The following ULK4 variants were observed in gnomAD, a reference collection of about 807,000 sequenced individuals.
The protein encoded by ULK4 is unc-51 like kinase 4.
ULK4 carries 133 observed loss-of-function variants against 160.6 expected under a neutral mutation model. That is an observed-to-expected ratio of 0.83 (90% confidence interval 0.72 to 0.96). The LOEUF is 0.96. Ranked by LOEUF, ULK4 falls within the 40% of genes least tolerant of loss-of-function variation. ULK4 has a pLI of 0.00. For missense variants in ULK4, 1,580 were observed against 1,499.5 expected, an observed-to-expected ratio of 1.05 and a Z score of -0.89; for synonymous variants, 534 against 539.8, an observed-to-expected ratio of 0.99 and a Z score of 0.15.
chr3:41,854,124 G>A (rs2042279748), intron 17 of ULK4: 1 of 152,134 alleles, frequency 6.6e-6, no homozygotes. Flanking sequence ...TTCAAATTTA[G>A]GAGCCTCGGG....
At chr3:41,877,837 C>T (rs1283268113) in intron 17 of ULK4, among the ~76,000 whole-genome samples, 2 of 151,546 alleles carry the variant, frequency 1.3e-5, no homozygotes, top group Admixed American at 6.6e-5. Flanking sequence ...CAAAATTAGT[C>T]GGGCATGATG....
chr3:41,348,206 CAA>C (rs1197234650), intron 35 of ULK4, among the ~76,000 whole-genome samples: 73 of 22,958 alleles, frequency 3.2e-3, no homozygotes, highest in African/African-American at 9.8e-3. Context: ...AACTCTGTCT[CAA>C]AAAAAAAAAA....
Position 41,877,614 on chromosome 3 carries a change from C to G in ULK4, c.1656+6260G>C, listed in dbSNP as rs560891600. Among the ~76,000 whole-genome samples the G allele has an allele frequency of 2.6e-5, 4 of 152,110 alleles. No individual in the cohort carries two copies. The East Asian group carries it at 7.7e-4, about 29-fold the overall frequency. On this transcript the variant is annotated intron_variant, in intron 17 of 36. Coordinates refer to ENST00000301831, the MANE Select transcript of ULK4 (RefSeq NM_017886.4). ...GTGCTGGTATTACAGGCATGAGCCA[C>G]CGCCCCAGCCAGGAATTTTAGCTTA...
At chr3:41,427,393 G>C (rs2082801759) in intron 34 of ULK4, among the ~76,000 whole-genome samples, 1 of 152,146 alleles carries the variant, frequency 6.6e-6, no homozygotes, top group Non-Finnish European at 1.5e-5. Context: ...CAATTGAAAA[G>C]AAGGGTCTTC....
At chr3:41,689,548 A>C (rs1203574006) in intron 27 of ULK4, among the ~76,000 whole-genome samples, 1 of 152,194 alleles carries the variant, frequency 6.6e-6, no homozygotes, top group African/African-American at 2.4e-5. Context: ...TCATCTGACA[A>C]AGGGCTAATA....
At chr3:41,396,092 G>C (rs1225046597) in intron 35 of ULK4, among the ~76,000 whole-genome samples, 1 of 151,982 alleles carries the variant, frequency 6.6e-6, no homozygotes, top group Non-Finnish European at 1.5e-5. Flanking sequence ...CTAAAATCTA[G>C]AAAGCTCTGA....
intron 35 of ULK4, among the ~76,000 whole-genome samples, chr3:41,320,410 A>G (rs1285038132): frequency 6.6e-6 from 1 of 152,186 alleles, no homozygotes; most frequent in African/African-American, 2.4e-5. Flanking sequence ...CCATTTTTCA[A>G]TAACAAGGAG....
At chr3:41,802,823 T>C (rs1413877153) in intron 19 of ULK4, among the ~76,000 whole-genome samples, 1 of 152,186 alleles carries the variant, frequency 6.6e-6, no homozygotes, top group Non-Finnish European at 1.5e-5. Context: ...TTGTATATCA[T>C]TACTTGCAGG....
intron 34 of ULK4, among the ~76,000 whole-genome samples, chr3:41,441,022 T>C (rs2083154998): frequency 6.6e-6 from 1 of 152,060 alleles, no homozygotes; most frequent in African/African-American, 2.4e-5. Context: ...TACAGGCAAG[T>C]AGTGTCTTTT....
chr3:41,937,934 ATTC>A (rs1352307294), intron 3 of ULK4, 161 bp downstream of exon 3: 12 of 439,440 alleles, frequency 2.7e-5, no homozygotes, highest in Non-Finnish European at 4.6e-5. Context: ...AATTTACATA[ATTC>A]TTCTTTTTCC....
chr3:41,680,595 T>A (rs1233041222), intron 29 of ULK4, among the ~76,000 whole-genome samples: 1 of 152,206 alleles, frequency 6.6e-6, no homozygotes, highest in Non-Finnish European at 1.5e-5. Flanking sequence ...TTCAAACTCT[T>A]AACATTGGCC....
intron 21 of ULK4, among the ~76,000 whole-genome samples, chr3:41,769,998 G>A (rs1277367237): frequency 6.6e-6 from 1 of 152,058 alleles, no homozygotes; most frequent in East Asian, 1.9e-4. Flanking sequence ...AACAAACAAG[G>A]TAATGATTAA....
At chr3:41,564,748 T>C (rs1285969528) in intron 32 of ULK4, among the ~76,000 whole-genome samples, 1 of 151,988 alleles carries the variant, frequency 6.6e-6, no homozygotes, top group Non-Finnish European at 1.5e-5. Flanking sequence ...CGTGAGCCAC[T>C]GCACCCGGCC....
chr3:41,290,343 A>G lies in ULK4; in HGVS notation c.3679-40769T>C, dbSNP rs189268798. Among the ~76,000 whole-genome samples, 13 of 152,352 alleles carry G rather than the reference A, an allele frequency of 8.5e-5. No individual in the cohort carries two copies. The East Asian group carries it at 2.5e-3, about 29-fold the overall frequency. On this transcript the variant is annotated intron_variant, in intron 35 of 36. Transcript: ENST00000301831. ...TTATAATCATGCAACAAGTAGATGC[A>G]GAAAGTATTATTATTACCTCCCTTT... is the stretch of plus-strand genomic sequence containing the variant.
At chr3:41,837,202 T>C (rs931358428) in intron 17 of ULK4, among the ~76,000 whole-genome samples, 3 of 152,222 alleles carry the variant, frequency 2.0e-5, no homozygotes, top group African/African-American at 7.2e-5. Context: ...GTAGGAGTAC[T>C]TGTTAATGTG....
chr3:41,389,344 C>T (rs1319602554), intron 35 of ULK4, among the ~76,000 whole-genome samples: 1 of 152,094 alleles, frequency 6.6e-6, no homozygotes, highest in East Asian at 1.9e-4. Context: ...TCCTGTTTTC[C>T]TAATTGAATG....
rs941500717 is a variant in ULK4 at position 41,702,855 on chromosome 3, G to T, written c.2781+2202C>A. ...AGTTTTTTTTGTTTGTTTTTTTTTG[G>T]TTTTGTTTTTTTTTTTTGAGATGGA... On this transcript the variant is annotated intron_variant, in intron 27 of 36. Transcript: ENST00000301831. Among the ~76,000 whole-genome samples, 35 of 146,250 alleles carry T rather than the reference G, an allele frequency of 2.4e-4. No homozygotes were observed. The South Asian group carries it at 2.6e-3, about 11-fold the overall frequency.
At chr3:41,459,786 T>G (rs574163218) in intron 33 of ULK4, among the ~76,000 whole-genome samples, 1 of 152,262 alleles carries the variant, frequency 6.6e-6, no homozygotes, top group East Asian at 1.9e-4. Flanking sequence ...ACTTACAAGA[T>G]GGCAGTGCAA....
chr3:41,757,411 A>T (rs554920409), intron 21 of ULK4, among the ~76,000 whole-genome samples: 22 of 152,050 alleles, frequency 1.4e-4, no homozygotes, highest in Non-Finnish European at 2.6e-4. Context: ...GGCGGGCAGA[A>T]CACGTGGTCA....
Sources: gnomAD v4.1 joint callset for allele counts (sites outside exome capture counted in the v4.1 genomes callset) on GRCh38, gnomAD v4.1.1 for gene constraint, MANE v1.5 for transcripts, NCBI Gene and HGNC (gene_info 2026-07-23, HGNC 2026-07-21) for gene names.